The following DGKB variants were observed in gnomAD, a reference collection of about 807,000 sequenced individuals.
DGKB encodes the protein 90 kDa diacylglycerol kinase.
In DGKB, 67 loss-of-function variants were observed where a neutral mutation model predicts 114.3. The observed-to-expected ratio is 0.59, with a 90% CI of 0.48 to 0.72. The LOEUF (loss-of-function observed/expected upper bound fraction) is 0.72, where lower values mean the gene tolerates loss of function less well. Ranked by LOEUF, DGKB falls within the 30% of genes least tolerant of loss-of-function variation. The pLI, the probability that DGKB is intolerant of heterozygous loss-of-function variation, is 0.00. For synonymous variants in DGKB, 398 were observed against 323.1 expected (o/e 1.23, Z -2.49); for missense variants, 907 against 975.2 (o/e 0.93, Z 0.93).
intron 25 of DGKB, among the ~76,000 whole-genome samples, chr7:14,155,498 A>C (rs1158110109): frequency 6.6e-6 from 1 of 152,060 alleles, no homozygotes; most frequent in African/African-American, 2.4e-5. Context: ...ATTAAAACTG[A>C]GTTTTAGTTA....
intron 25 of DGKB, among the ~76,000 whole-genome samples, chr7:14,153,481 A>C (rs916155652): frequency 9.9e-5 from 15 of 152,058 alleles, no homozygotes; most frequent in Non-Finnish European, 2.1e-4. Context: ...TTTACACTGA[A>C]GGACAAAGAG....
intron 21 of DGKB, among the ~76,000 whole-genome samples, chr7:14,405,728 T>C: frequency 6.6e-6 from 1 of 151,960 alleles, no homozygotes; most frequent in Non-Finnish European, 1.5e-5. Context: ...GGACTTTGTA[T>C]GTGAGAGAGT....
At chr7:14,170,144 AAAAAGAAAGAAAGAAAG>A (rs1562522898) in intron 25 of DGKB, among the ~76,000 whole-genome samples, 3 of 122,772 alleles carry the variant, frequency 2.4e-5, no homozygotes, top group East Asian at 2.2e-4. Flanking sequence ...CAAAAAAAAA[AAAAAGAAAGAAAGAAAG>A]AAAGAAAGAA....
At chr7:14,484,353 T>C (rs1451748906) in intron 20 of DGKB, among the ~76,000 whole-genome samples, 1 of 152,144 alleles carries the variant, frequency 6.6e-6, no homozygotes, top group East Asian at 1.9e-4. Context: ...TCATGTTGAA[T>C]TGTGGTACCC....
intron 2 of DGKB, among the ~76,000 whole-genome samples, chr7:14,832,433 T>C (rs1178483346): frequency 6.6e-6 from 1 of 152,082 alleles, no homozygotes; most frequent in Non-Finnish European, 1.5e-5. Flanking sequence ...CCTTCCACTT[T>C]GTTTTCATGG....
At chr7:14,689,117 T>G (rs1822253200) in intron 9 of DGKB, among the ~76,000 whole-genome samples, 1 of 144,210 alleles carries the variant, frequency 6.9e-6, no homozygotes, top group Non-Finnish European at 1.5e-5. Context: ...ACTCATTAAA[T>G]AACAAAGAAC....
At chr7:14,521,620 T>C (rs1789786631) in intron 20 of DGKB, among the ~76,000 whole-genome samples, 1 of 152,202 alleles carries the variant, frequency 6.6e-6, no homozygotes, top group African/African-American at 2.4e-5. Context: ...AAGTAATTGT[T>C]ATATCTTTTT....
chr7:14,414,684 A>G (rs1825430751), intron 21 of DGKB, among the ~76,000 whole-genome samples: 4 of 152,158 alleles, frequency 2.6e-5, no homozygotes. Flanking sequence ...AAGTGTCTCT[A>G]GAGCATAACA....
At chr7:14,664,860 T>C (rs1817750594) in intron 13 of DGKB, among the ~76,000 whole-genome samples, 1 of 151,530 alleles carries the variant, frequency 6.6e-6, no homozygotes, top group Non-Finnish European at 1.5e-5. Context: ...AGCTCCATTG[T>C]CTTTAGTAAA....
chr7:14,596,804 A>T (rs1185748077), intron 17 of DGKB, among the ~76,000 whole-genome samples: 3 of 152,208 alleles, frequency 2.0e-5, no homozygotes, highest in African/African-American at 7.2e-5. Flanking sequence ...GCTCTTAATT[A>T]TCTTCCATTG....
Position 14,753,891 on chromosome 7 carries a change from GAAAA to G in DGKB, c.168+33_168+36del, listed in dbSNP as rs1273866940. ...CATAGATCATATCAGAATAAAGAAA[GAAAA>G]GACAGACTTTAATAGAAAAGAAAAT... On this transcript the variant is annotated intron_variant, in intron 4 of 25. Transcript: ENST00000402815. 4.6e-6 allele frequency: 6 copies of G among 1,291,804 alleles called. No individual in the cohort carries two copies. In the East Asian group the frequency reaches 1.5e-4, roughly 32 times the overall value. The allele number at this position is 1,291,804 out of a possible 1,614,324, so 80.0% of individuals were successfully genotyped here.
At chr7:14,263,234 G>A (rs1797024347) in intron 23 of DGKB, among the ~76,000 whole-genome samples, 2 of 152,216 alleles carry the variant, frequency 1.3e-5, no homozygotes, top group Middle Eastern at 3.4e-3. Flanking sequence ...ACAACAGCAG[G>A]TAGTATTACT....
At chr7:14,893,373 C>G (rs550883745) in intron 1 of DGKB, among the ~76,000 whole-genome samples, 4 of 151,386 alleles carry the variant, frequency 2.6e-5, no homozygotes, top group African/African-American at 9.7e-5. Flanking sequence ...GTCTTTAGAA[C>G]ATTCCAGGTT....
chr7:14,351,411 C>T (rs1239391504), intron 21 of DGKB, among the ~76,000 whole-genome samples: 2 of 152,164 alleles, frequency 1.3e-5, no homozygotes, highest in Non-Finnish European at 1.5e-5. Flanking sequence ...TGGCAGGGCA[C>T]AGGGAGCCTG....
At chr7:14,968,064 C>A (rs560776754) in intron 1 of DGKB, among the ~76,000 whole-genome samples, 3 of 152,068 alleles carry the variant, frequency 2.0e-5, no homozygotes, top group Non-Finnish European at 4.4e-5. Context: ...ATACCTTTGT[C>A]CATTTCTCCT....
chr7:14,552,781 A>G (rs1246758241), intron 20 of DGKB, among the ~76,000 whole-genome samples: 3 of 152,240 alleles, frequency 2.0e-5, no homozygotes, highest in Non-Finnish European at 4.4e-5. Flanking sequence ...ATCACAAAAT[A>G]TGGATTCTAT....
chr7:14,186,211 A>G (rs188257893), intron 23 of DGKB, among the ~76,000 whole-genome samples: 20 of 152,354 alleles, frequency 1.3e-4, no homozygotes, highest in Admixed American at 5.2e-4. Flanking sequence ...TAAGGACATG[A>G]ATAGACAATC....
intron 2 of DGKB, among the ~76,000 whole-genome samples, chr7:14,761,877 T>C (rs6971441): frequency 0.22 from 34,123 of 151,976 alleles, 5,448 homozygotes; most frequent in African/African-American, 0.43. Flanking sequence ...GGTTTAGTTC[T>C]TGGGATAAGG....
chr7:14,241,173 C>T (rs1037464065), intron 23 of DGKB, among the ~76,000 whole-genome samples: 1 of 152,080 alleles, frequency 6.6e-6, no homozygotes, highest in Admixed American at 6.6e-5. Flanking sequence ...AAAGTAAGTG[C>T]TCATTATTGT....
Sources: allele counts gnomAD v4.1 joint callset (sites outside exome capture counted in the v4.1 genomes callset), GRCh38; gene constraint gnomAD v4.1.1; transcripts MANE v1.5; gene names NCBI Gene and HGNC (gene_info 2026-07-23, HGNC 2026-07-21).